The following PTPRS variants were observed in gnomAD, a reference collection of about 807,000 sequenced individuals.
PTPRS encodes the protein protein tyrosine phosphatase receptor type S.
A neutral mutation model predicts 215.3 loss-of-function variants in PTPRS; 63 were observed. The observed-to-expected ratio is 0.29, with a 90% CI of 0.24 to 0.36. PTPRS has a LOEUF of 0.36. Among genes scored for constraint, PTPRS ranks in the 10% least tolerant of loss-of-function variants. The pLI, the probability that PTPRS is intolerant of heterozygous loss-of-function variation, is 1.00. For missense variants in PTPRS, 2,258 were observed against 2,825.8 expected (o/e 0.80, Z 4.56); for synonymous variants, 1,404 against 1,191.4 (o/e 1.18, Z -3.68).
In PTPRS at chr19:5,212,338, T is replaced by C; in HGVS notation, c.4768A>G (p.Ser1590Gly). Residue 1590 changes from serine (S) to glycine (G), a missense_variant and splice_region_variant, in exon 31 of 38, where the codon AGT becomes GGT. Ser to Gly is a moderately conservative substitution (Grantham distance 56). Coordinates refer to ENST00000262963, the MANE Select transcript of PTPRS (RefSeq NM_002850.4). ...TGGGGCAGAGTGGGGTGGACGTACC[T>C]GCAGTGAACCACGATGGGGCCGGCA... is the stretch of plus-strand genomic sequence containing the variant. ...PDAGPIVVHC[S>G]AGVGRTGCFI... 1 of 1,613,528 alleles carries C rather than the reference T, an allele frequency of 6.2e-7. No individual in the cohort carries two copies. The highest frequency in any genetic ancestry group is 8.5e-7 in the Non-Finnish European group (1 of 1,179,820).
chr19:5,312,425 T>C (rs942145003), intron 1 of PTPRS, among the ~76,000 whole-genome samples: 4 of 152,090 alleles, frequency 2.6e-5, no homozygotes, highest in African/African-American at 9.7e-5. Flanking sequence ...TTTGGGAGGT[T>C]GAGGCAGGAG....
chr19:5,334,121 C>T (rs550051697), intron 1 of PTPRS, among the ~76,000 whole-genome samples: 15 of 152,340 alleles, frequency 9.8e-5, no homozygotes, highest in African/African-American at 3.6e-4. Flanking sequence ...TCCCGCCAGT[C>T]GCCCAGTCCT....
chr19:5,329,268 G>C (rs1343556748), intron 1 of PTPRS, among the ~76,000 whole-genome samples: 1 of 152,066 alleles, frequency 6.6e-6, no homozygotes, highest in African/African-American at 2.4e-5. Context: ...GGCCCACAGA[G>C]AGGAGTCTGA....
intron 1 of PTPRS, among the ~76,000 whole-genome samples, chr19:5,325,426 T>C (rs11085127): frequency 0.47 from 71,299 of 152,192 alleles, 17,994 homozygotes; most frequent in African/African-American, 0.68. Flanking sequence ...CCACAATATC[T>C]CATGTGGGCC....
At chr19:5,253,122 C>T (rs2045280756) in intron 9 of PTPRS, among the ~76,000 whole-genome samples, 2 of 152,248 alleles carry the variant, frequency 1.3e-5, no homozygotes, top group South Asian at 4.1e-4. Flanking sequence ...AGAATATAAT[C>T]TGATCATCTT....
chr19:5,258,150 T>C, intron 7 of PTPRS, 23 bp from the exon 8 acceptor site: 2 of 1,603,974 alleles, frequency 1.2e-6, no homozygotes, highest in Middle Eastern at 1.7e-4. Context: ...GGGAAAAAGC[T>C]TGGTCTGTTA....
At chr19:5,264,421 C>T (rs917298664) in intron 5 of PTPRS, among the ~76,000 whole-genome samples, 1 of 152,190 alleles carries the variant, frequency 6.6e-6, no homozygotes, top group Non-Finnish European at 1.5e-5. Context: ...CTCACTGACA[C>T]TTCTGCCTGT....
At chr19:5,306,657 A>G (rs2049504923) in intron 1 of PTPRS, among the ~76,000 whole-genome samples, 1 of 152,046 alleles carries the variant, frequency 6.6e-6, no homozygotes, top group Non-Finnish European at 1.5e-5. Flanking sequence ...ACCCAATGCC[A>G]TGGTGAATCT....
chr19:5,247,054 G>A (rs55819913), intron 9 of PTPRS, among the ~76,000 whole-genome samples: 60,838 of 150,800 alleles, frequency 0.4, 12,819 homozygotes, highest in East Asian at 0.71. Flanking sequence ...AGAAAATAGG[G>A]ACAGAGAGCG....
intron 1 of PTPRS, among the ~76,000 whole-genome samples, chr19:5,312,936 A>C (rs1051632666): frequency 6.6e-6 from 1 of 152,140 alleles, no homozygotes; most frequent in African/African-American, 2.4e-5. Context: ...ATTTATTTAG[A>C]CAGAGTCTCA....
At chr19:5,313,921 ACT>A (rs575470857) in intron 1 of PTPRS, among the ~76,000 whole-genome samples, 16 of 148,020 alleles carry the variant, frequency 1.1e-4, no homozygotes, top group African/African-American at 2.8e-4. Flanking sequence ...ACACAGCAAG[ACT>A]CTCTCTCTCT....
chr19:5,239,319 GAGAC>G, intron 12 of PTPRS, among the ~76,000 whole-genome samples: 1 of 151,950 alleles, frequency 6.6e-6, no homozygotes, highest in Middle Eastern at 3.4e-3. Flanking sequence ...GAGACGGAGA[GAGAC>G]AGAGACAGAG....
intron 16 of PTPRS, 23 bp downstream of exon 16, chr19:5,229,293 G>A: frequency 7.2e-7 from 1 of 1,380,522 alleles, no homozygotes; most frequent in Non-Finnish European, 9.4e-7. Context: ...AGCAGTAGGT[G>A]GGTGGCCAGG....
At chr19:5,325,651 G>A (rs1348691654) in intron 1 of PTPRS, among the ~76,000 whole-genome samples, 2 of 152,178 alleles carry the variant, frequency 1.3e-5, no homozygotes, top group Admixed American at 6.5e-5. Context: ...GGCCCCCACC[G>A]GCAATCTGTG....
chr19:5,247,322 A>G (rs2044591612), intron 9 of PTPRS, among the ~76,000 whole-genome samples: 1 of 152,098 alleles, frequency 6.6e-6, no homozygotes. Flanking sequence ...CTCAAAGACC[A>G]TGAAGGCAGC....
rs1234825317 is a variant in PTPRS at position 5,239,163 on chromosome 19, G to GA, written c.1705-101_1705-100insT. ...GAGAGACAGAAACAGAGGGGGGAGG[G>GA]GGAGAGAGAGAGAGAGAGAGAGAGA... is the stretch of plus-strand genomic sequence containing the variant. On this transcript the variant is annotated intron_variant, in intron 12 of 37. Transcript: ENST00000262963. 4.5e-3 allele frequency: 2,556 copies of GA among 569,630 alleles called. 16 individuals are homozygous for GA. Among genetic ancestry groups the GA allele is most frequent in the African/African-American group, 0.028 (829 of 29,242 alleles). The allele number at this position is 569,630 out of a possible 1,614,324, so 35.3% of individuals were successfully genotyped here.
rs574209131 is a variant in PTPRS, at chr19:5,281,954, G to A, written c.91+4096C>T. On this transcript the variant is annotated intron_variant, in intron 2 of 37. Transcript: ENST00000262963. ...CATCTGGCAGCTTCAACCTCAGCTC[G>A]GCCAGCACCTCCCCTGGGGAGCCTT... Among the ~76,000 whole-genome samples, 27 of 152,260 alleles carry A rather than the reference G, an allele frequency of 1.8e-4. No homozygotes were observed. In the South Asian group the frequency reaches 4.8e-3, roughly 27 times the overall value.
chr19:5,237,098 G>C lies in PTPRS; in HGVS notation c.1849+1821C>G, dbSNP rs2043521911. 4.6e-5 allele frequency among the ~76,000 whole-genome samples: 7 copies of C among 152,194 alleles called. No individual in the cohort carries two copies. The South Asian group carries it at 1.4e-3, about 31-fold the overall frequency. The stretch of plus-strand genomic sequence containing the variant: ...ACGAGAGAGGGAACGGCCGAGCGCT[G>C]AGCTACAAGGCCAGACCGAACTCTT... On this transcript the variant is annotated intron_variant, in intron 13 of 37. Transcript: ENST00000262963. The surrounding 1 kb of genome is among the most constrained non-coding windows in gnomAD (Gnocchi z 4.2).
chr19:5,251,574 G>A (rs1459998625), intron 9 of PTPRS, among the ~76,000 whole-genome samples: 1 of 151,734 alleles, frequency 6.6e-6, no homozygotes, highest in African/African-American at 2.4e-5. Context: ...CAAATGACAA[G>A]GTGTAATCTA....
Sources: allele counts gnomAD v4.1 joint callset (sites outside exome capture counted in the v4.1 genomes callset), GRCh38; gene constraint gnomAD v4.1.1; non-coding constraint Gnocchi (gnomAD v3.1); transcripts MANE v1.5; gene names NCBI Gene and HGNC (gene_info 2026-07-23, HGNC 2026-07-21).